RNF130: variants seen among roughly 807,000 people sequenced by gnomAD.
The protein encoded by RNF130 is E3 ubiquitin-protein ligase RNF130.
RNF130 carries 21 observed loss-of-function variants against 44.6 expected under a neutral mutation model. The ratio of observed to expected loss-of-function variants is 0.47; its 90% CI spans 0.33 to 0.68. RNF130 has a LOEUF of 0.68. Among genes scored for constraint, RNF130 ranks in the 30% least tolerant of loss-of-function variants. The pLI, the probability that RNF130 is intolerant of heterozygous loss-of-function variation, is 0.02. For missense variants in RNF130, 479 were observed against 560.6 expected (o/e 0.85, Z 1.47); for synonymous variants, 214 against 210.4 (o/e 1.02, Z -0.15).
intron 3 of RNF130, among the ~76,000 whole-genome samples, chr5:179,982,550 G>A (rs1249294176): frequency 6.9e-6 from 1 of 144,420 alleles, no homozygotes; most frequent in Non-Finnish European, 1.5e-5. Flanking sequence ...ACCAACACTT[G>A]GTATGGTGAG....
In RNF130 at chr5:179,971,140, C is replaced by T. The variant is rs55808906; in HGVS notation, c.849-634G>A. Among the ~76,000 whole-genome samples, 247 of 152,200 alleles carry T rather than the reference C, an allele frequency of 1.6e-3. 1 individual carries two copies. Among genetic ancestry groups the T allele is most frequent in the Admixed American group, 3.3e-3 (51 of 15,284 alleles). On this transcript the variant is annotated intron_variant, in intron 5 of 8. Coordinates refer to ENST00000521389, the MANE Select transcript of RNF130 (RefSeq NM_018434.6). The stretch of plus-strand genomic sequence containing the variant: ...ATTCAGGCAAGTAGAAAGTCACAGT[C>T]TTGTGACTGGAAATAAGTCAGTCAT...
rs1324670389 is a variant in RNF130 at position 179,966,807 on chromosome 5, T to C, written c.1149A>G (p.Thr383=). The C allele has an allele frequency of 6.2e-7, 1 of 1,613,176 alleles. No individual in the cohort carries two copies. The highest frequency in any genetic ancestry group is 1.1e-5 in the South Asian group (1 of 90,854). Residue 383 remains threonine (T), a splice_region_variant and synonymous_variant, in exon 7 of 9, where the codon ACA becomes ACG. Coordinates refer to ENST00000521389, the MANE Select transcript of RNF130 (RefSeq NM_018434.6). ...GCCTGAGCGGAGGCCCCCACTTACTTGTTACTGCAATGTTGATTTCTCCTG... is the reference window on the plus strand; with the variant it reads ...GCCTGAGCGGAGGCCCCCACTTACTCGTTACTGCAATGTTGATTTCTCCTG... ...PRTGEINIAV[T]KEWFIIASFG... is the part of the protein sequence containing the mutation.
chr5:179,972,976 C>CA (rs1394625146), intron 5 of RNF130, among the ~76,000 whole-genome samples: 3 of 151,864 alleles, frequency 2.0e-5, no homozygotes, highest in African/African-American at 7.3e-5. Context: ...TGAAGAAAAA[C>CA]AAAAAAGACC....
chr5:179,970,771 G>A (rs999631517), intron 5 of RNF130, among the ~76,000 whole-genome samples: 1 of 152,122 alleles, frequency 6.6e-6, no homozygotes, highest in South Asian at 2.1e-4. Flanking sequence ...TTCCAAAAAG[G>A]ACTAATGGAA....
intron 1 of RNF130, among the ~76,000 whole-genome samples, chr5:180,063,414 G>A (rs918966121): frequency 3.3e-5 from 5 of 152,198 alleles, no homozygotes; most frequent in African/African-American, 9.7e-5. Flanking sequence ...GGTGGATGGC[G>A]ATGTCATTTA....
intron 6 of RNF130, among the ~76,000 whole-genome samples, chr5:179,968,929 T>C (rs908581835): frequency 1.3e-5 from 2 of 152,290 alleles, no homozygotes; most frequent in Admixed American, 6.5e-5. Flanking sequence ...CCCGATACTT[T>C]GAGAAATCCC....
intron 3 of RNF130, among the ~76,000 whole-genome samples, chr5:180,012,351 T>A (rs982462321): frequency 1.3e-5 from 2 of 152,126 alleles, no homozygotes; most frequent in Admixed American, 1.3e-4. Context: ...ACACAAAAAG[T>A]CTAGGAGAGG....
intron 5 of RNF130, among the ~76,000 whole-genome samples, chr5:179,975,445 A>G (rs1201529381): frequency 6.6e-6 from 1 of 152,240 alleles, no homozygotes; most frequent in Non-Finnish European, 1.5e-5. Flanking sequence ...CCAAATGTCA[A>G]CAGTGCCAAG....
chr5:179,947,905 GGTGT>G (rs1198085595), intron 7 of RNF130, among the ~76,000 whole-genome samples: 1 of 152,030 alleles, frequency 6.6e-6, no homozygotes, highest in Non-Finnish European at 1.5e-5. Context: ...TAAGAATATG[GGTGT>G]GTATGTGTTT....
intron 8 of RNF130, among the ~76,000 whole-genome samples, chr5:179,959,965 TG>T (rs1435791045): frequency 6.6e-6 from 1 of 152,146 alleles, no homozygotes; most frequent in Admixed American, 6.5e-5. Flanking sequence ...AATCCAGCAA[TG>T]GGAAAAGGGC....
chr5:179,949,287 C>A (rs188941297), intron 7 of RNF130, among the ~76,000 whole-genome samples: 2 of 148,278 alleles, frequency 1.3e-5, no homozygotes, highest in Non-Finnish European at 3.0e-5. Context: ...TTTTTTAAGA[C>A]AAGGTCTTGC....
chr5:179,990,692 C>T (rs1763061295), intron 3 of RNF130, among the ~76,000 whole-genome samples: 1 of 152,220 alleles, frequency 6.6e-6, no homozygotes. Flanking sequence ...TCTTCCCAGA[C>T]ACTGGCGTTA....
At chr5:180,050,764 T>G (rs777223034) in intron 1 of RNF130, among the ~76,000 whole-genome samples, 2 of 152,230 alleles carry the variant, frequency 1.3e-5, no homozygotes, top group Non-Finnish European at 2.9e-5. Context: ...AATTCCAGAC[T>G]GTTAATTTTC....
At chr5:179,943,052 G>A (rs954035891) in intron 7 of RNF130, among the ~76,000 whole-genome samples, 2 of 152,142 alleles carry the variant, frequency 1.3e-5, no homozygotes, top group African/African-American at 2.4e-5. Flanking sequence ...AAAATTAGTT[G>A]GGCGTGGTGG....
intron 7 of RNF130, among the ~76,000 whole-genome samples, chr5:179,941,900 TA>T (rs1464042331): frequency 1.3e-5 from 2 of 152,086 alleles, no homozygotes; most frequent in African/African-American, 4.8e-5. Flanking sequence ...TAACGGAATT[TA>T]AAAAATGAAA....
intron 5 of RNF130, among the ~76,000 whole-genome samples, chr5:179,973,505 G>A (rs34262739): frequency 0.014 from 2,060 of 152,336 alleles, 56 homozygotes; most frequent in African/African-American, 0.048. Flanking sequence ...GGCCAGGGGC[G>A]TTTAATCTAC....
chr5:179,993,161 T>A (rs1763128320), intron 3 of RNF130, among the ~76,000 whole-genome samples: 1 of 152,250 alleles, frequency 6.6e-6, no homozygotes, highest in South Asian at 2.1e-4. Flanking sequence ...TCTTTGCTAC[T>A]GTGAATAGTG....
intron 2 of RNF130, among the ~76,000 whole-genome samples, chr5:180,019,043 C>A (rs992892338): frequency 2.0e-5 from 3 of 152,124 alleles, no homozygotes; most frequent in African/African-American, 7.2e-5. Flanking sequence ...CCTATATAAC[C>A]TATTATACGT....
At chr5:179,978,051 T>C in intron 5 of RNF130, 152 bp downstream of exon 5, 1 of 663,660 alleles carries the variant, frequency 1.5e-6, no homozygotes, top group South Asian at 1.8e-5. Flanking sequence ...CCTGCTGGCC[T>C]CAGCCCCATG....
Sources: gnomAD v4.1 joint callset for allele counts (sites outside exome capture counted in the v4.1 genomes callset) on GRCh38, gnomAD v4.1.1 for gene constraint, MANE v1.5 for transcripts, NCBI Gene and HGNC (gene_info 2026-07-23, HGNC 2026-07-21) for gene names.